Variants in THAP8 observed in about 807,000 individuals in gnomAD.
The protein encoded by THAP8 is THAP domain-containing protein 8.
Under a neutral mutation model 25.0 loss-of-function variants are expected in THAP8, and 24 were observed. That is an observed-to-expected ratio of 0.96 (90% CI 0.69 to 1.35). THAP8 has a LOEUF of 1.35. THAP8 is among the 40% of genes most tolerant of loss of function. The pLI is 0.00. For missense variants in THAP8, 399 were observed against 368.8 expected, an observed-to-expected ratio of 1.08 and a Z score of -0.67; for synonymous variants, 169 against 157.6, an observed-to-expected ratio of 1.07 and a Z score of -0.54.
chr19:36,054,436 C>T (rs1334566367), upstream of THAP8: 8 of 613,602 alleles, frequency 1.3e-5, no homozygotes, highest in Admixed American at 2.0e-4. Context: ...TGGGCCATAG[C>T]GAGTACTGTG....
intron 1 of THAP8, chr19:36,045,805 A>G (rs1176088534): frequency 6.6e-6 from 3 of 456,560 alleles, no homozygotes; most frequent in Non-Finnish European, 1.3e-5. Flanking sequence ...CGGAACAGGC[A>G]AAGAAGAGAT....
At position 36,054,254 on chromosome 19, in the gene THAP8, G is replaced by A. The variant is rs913440685; in HGVS notation, c.-37C>T. The A allele has an allele frequency of 5.6e-6, 9 of 1,602,646 alleles. No individual in the cohort carries two copies. The highest frequency in any genetic ancestry group is 1.3e-5 in the African/African-American group (1 of 74,692). ...CCCCGCTGAGTTTTGCCGGGTCAGCGGCTGCACTTTGGTTCTCGCGGAGCG... is the reference window on the plus strand; with the variant it reads ...CCCCGCTGAGTTTTGCCGGGTCAGCAGCTGCACTTTGGTTCTCGCGGAGCG... On this transcript the variant is annotated 5_prime_UTR_variant, in exon 1 of 4. Coordinates refer to ENST00000292894, the MANE Select transcript of THAP8 (RefSeq NM_152658.3).
At chr19:36,038,752 G>A (rs1339898376) in intron 3 of THAP8, among the ~76,000 whole-genome samples, 2 of 151,958 alleles carry the variant, frequency 1.3e-5, no homozygotes, top group Non-Finnish European at 2.9e-5. Context: ...TTGGGAGGCT[G>A]AGGCAGGACA....
chr19:36,045,476 C>T (rs1969848120), intron 1 of THAP8, among the ~76,000 whole-genome samples: 1 of 151,946 alleles, frequency 6.6e-6, no homozygotes, highest in Non-Finnish European at 1.5e-5. Flanking sequence ...GCCTTGTTGC[C>T]CAGGCTGGTC....
intron 1 of THAP8, among the ~76,000 whole-genome samples, chr19:36,040,789 G>A (rs1969663784): frequency 6.6e-6 from 1 of 152,018 alleles, no homozygotes; most frequent in Non-Finnish European, 1.5e-5. Context: ...CAACTTGTTG[G>A]AGCAGTTTAT....
At chr19:36,042,252 A>G (rs1165751817) in intron 1 of THAP8, among the ~76,000 whole-genome samples, 4 of 152,190 alleles carry the variant, frequency 2.6e-5, no homozygotes, top group Non-Finnish European at 5.9e-5. Context: ...GAATTACCAT[A>G]TGACCCAGCA....
Position 36,040,037 on chromosome 19 carries a change from G to A in THAP8, c.183C>T (p.His61=), listed in dbSNP as rs750452942. Residue 61 remains histidine (H), a synonymous_variant, in exon 2 of 4, where the codon CAC becomes CAT. Transcript: ENST00000292894. ...GCCACTGGAAGCAGGAGGGTGTGAA[G>A]TGCTCGCTGCACAAGTGCTGGTGGC... ...PSCHQHLCSE[H]FTPSCFQWRW... 3.7e-6 allele frequency: 6 copies of A among 1,613,808 alleles called. No individual in the cohort carries two copies. The highest frequency in any genetic ancestry group is 1.1e-5 in the South Asian group (1 of 91,090).
chr19:36,051,647 T>A (rs1970058061), intron 1 of THAP8, among the ~76,000 whole-genome samples: 1 of 152,076 alleles, frequency 6.6e-6, no homozygotes, highest in Non-Finnish European at 1.5e-5. Flanking sequence ...AGGGACTGGA[T>A]GAGGAATGTG....
chr19:36,054,218 G>T lies in THAP8; in HGVS notation c.-1C>A. The T allele has an allele frequency of 6.2e-7, 1 of 1,613,328 alleles. No individual in the cohort carries two copies. Among genetic ancestry groups the T allele is most frequent in the Non-Finnish European group, 8.5e-7 (1 of 1,179,726 alleles). On this transcript the variant is annotated 5_prime_UTR_variant, in exon 1 of 4. Coordinates refer to ENST00000292894, the MANE Select transcript of THAP8 (RefSeq NM_152658.3). ...TCGGCGCCCTGCAGTACTTGGGCAT[G>T]GCTATCCAGCCCCCGCTGAGTTTTG...
Position 36,054,152 on chromosome 19 carries a change from G to T in THAP8, c.66C>A (p.Arg22=). ...GCGCTCACTTGTAGAAGCTCACAGG[G>T]CGGTTGTCTGCACCCAGGCGGCCCG... The part of the protein sequence containing the change: ...NTAGRLGADN[R]PVSFYKFPLK... Residue 22 remains arginine (R), a synonymous_variant, in exon 1 of 4, where the codon CGC becomes CGA. Coordinates refer to ENST00000292894, the MANE Select transcript of THAP8 (RefSeq NM_152658.3). 6.2e-7 allele frequency: 1 copy of T among 1,613,900 alleles called. No individual in the cohort carries two copies. The highest frequency in any genetic ancestry group is 8.5e-7 in the Non-Finnish European group (1 of 1,179,946).
intron 1 of THAP8, 124 bp from the exon 2 acceptor site, chr19:36,040,260 C>T: frequency 2.1e-6 from 2 of 974,270 alleles, no homozygotes; most frequent in Non-Finnish European, 2.9e-6. Flanking sequence ...GGAAGTAGAC[C>T]TGTCTTGTGC....
chr19:36,048,845 A>AT (rs1969964283), intron 1 of THAP8, among the ~76,000 whole-genome samples: 1 of 122,018 alleles, frequency 8.2e-6, no homozygotes, highest in African/African-American at 3.1e-5. Flanking sequence ...CTTCTTTAAA[A>AT]AAAAAAAAAA....
At chr19:36,050,396 G>A (rs958099004) in intron 1 of THAP8, among the ~76,000 whole-genome samples, 5 of 152,104 alleles carry the variant, frequency 3.3e-5, no homozygotes, top group Admixed American at 2.0e-4. Context: ...CTCCTGCCTC[G>A]ACTTCCCAAA....
chr19:36,043,217 T>C (rs761306451), intron 1 of THAP8, among the ~76,000 whole-genome samples: 1 of 152,138 alleles, frequency 6.6e-6, no homozygotes, highest in Non-Finnish European at 1.5e-5. Flanking sequence ...TGTGAGCCAC[T>C]GCATCTGGCC....
chr19:36,043,721 C>A (rs965193739), intron 1 of THAP8, among the ~76,000 whole-genome samples: 1 of 152,014 alleles, frequency 6.6e-6, no homozygotes, highest in African/African-American at 2.4e-5. Context: ...AACCCCGTCT[C>A]TACGAAAATT....
intron 1 of THAP8, among the ~76,000 whole-genome samples, chr19:36,050,660 C>T (rs1970030997): frequency 6.6e-6 from 1 of 152,150 alleles, no homozygotes; most frequent in African/African-American, 2.4e-5. Flanking sequence ...TGTTTGATCC[C>T]TCACCTATCC....
intron 1 of THAP8, among the ~76,000 whole-genome samples, chr19:36,048,860 A>AC (rs1969968672): frequency 6.7e-6 from 1 of 148,500 alleles, no homozygotes; most frequent in South Asian, 2.1e-4. Context: ...AAAAAAACAA[A>AC]AAAACAAAAA....
intron 2 of THAP8, 58 bp from the exon 3 acceptor site, chr19:36,039,776 A>G (rs1969620925): frequency 1.3e-6 from 2 of 1,489,306 alleles, no homozygotes; most frequent in African/African-American, 2.8e-5. Flanking sequence ...CTCAGGAGGA[A>G]AGGGATGGAG....
Position 36,054,194 on chromosome 19 carries a change from C to T in THAP8, c.24G>A (p.Pro8=). Reference sequence around the variant, plus strand: ...GGCGGCCCGCAGTGTTGGAGCAGTTCGGCGCCCTGCAGTACTTGGGCATGG... The same window carrying T: ...GGCGGCCCGCAGTGTTGGAGCAGTTTGGCGCCCTGCAGTACTTGGGCATGG... MPKYCRA[P]NCSNTAGRLG... Residue 8 remains proline, a synonymous_variant, in exon 1 of 4, where the codon CCG becomes CCA. Coordinates refer to ENST00000292894, the MANE Select transcript of THAP8 (RefSeq NM_152658.3). 1.2e-6 allele frequency: 2 copies of T among 1,613,900 alleles called. No individual in the cohort carries two copies. Among genetic ancestry groups the T allele is most frequent in the Middle Eastern group, 1.7e-4 (1 of 6,056 alleles).
Sources: gnomAD v4.1 joint callset for allele counts (sites outside exome capture counted in the v4.1 genomes callset) on GRCh38, gnomAD v4.1.1 for gene constraint, MANE v1.5 for transcripts, NCBI Gene and HGNC (gene_info 2026-07-23, HGNC 2026-07-21) for gene names.